Variants in PPP1R15B observed in about 807,000 individuals in gnomAD.
The protein encoded by PPP1R15B is protein phosphatase 1, regulatory (inhibitor) subunit 15B.
Under a neutral mutation model 53.9 loss-of-function variants are expected in PPP1R15B, and 31 were observed. The observed-to-expected ratio is 0.58, with a 90% CI of 0.43 to 0.78. The LOEUF (loss-of-function observed/expected upper bound fraction) is 0.78, where lower values mean the gene tolerates loss of function less well. PPP1R15B is among the 30% of genes least tolerant of loss of function. PPP1R15B has a pLI of 0.00. For synonymous variants in PPP1R15B, 345 were observed against 329.1 expected (o/e 1.05, Z -0.52); for missense variants, 928 against 849.6 (o/e 1.09, Z -1.15).
chr1:204,399,484 T>C (rs1300533217), downstream of PPP1R15B, among the ~76,000 whole-genome samples: 1 of 150,516 alleles, frequency 6.6e-6, no homozygotes, highest in Non-Finnish European at 1.5e-5. Context: ...CGCTGGAGCC[T>C]GGGAGGCGGA....
Position 204,409,663 on chromosome 1 carries a change from T to C in PPP1R15B, c.1749A>G (p.Lys583=). 1 of 1,614,114 alleles carries C rather than the reference T, an allele frequency of 6.2e-7. No homozygotes were observed. Among genetic ancestry groups the C allele is most frequent in the Admixed American group, 1.7e-5 (1 of 60,022 alleles). ...ATGGGGTCTTTGAGTCACGACAGCCTTTCTCATTTTCCCCTGATGTTTGAA... is the reference window on the plus strand; with the variant it reads ...ATGGGGTCTTTGAGTCACGACAGCCCTTCTCATTTTCCCCTGATGTTTGAA... ...APFQTSGENE[K]GCRDSKTPSE... The change falls in exon 1 of 2, where the codon AAA becomes AAG. Residue 583 remains lysine, a synonymous_variant. Transcript: ENST00000367188.
Position 204,410,133 on chromosome 1 carries a change from C to T in PPP1R15B, c.1279G>A (p.Asp427Asn). 1 of 1,614,038 alleles carries T rather than the reference C, an allele frequency of 6.2e-7. No homozygotes were observed. The highest frequency in any genetic ancestry group is 8.5e-7 in the Non-Finnish European group (1 of 1,180,032). Residue 427 changes from aspartate to asparagine, a missense_variant, in exon 1 of 2, where the codon GAT becomes AAT. Physicochemically the swap from Asp to Asn is conservative, Grantham distance 23. Transcript: ENST00000367188. ...ARPACSNKLI[D>N]YILGGASSDL... ...CTGGATGCACCTCCCAAAATATAAT[C>T]TATCAGTTTGTTACTACAAGCTGGT...
At chr1:204,402,697 C>T (rs1379026169), downstream of PPP1R15B, among the ~76,000 whole-genome samples, 2 of 149,470 alleles carry the variant, frequency 1.3e-5, no homozygotes, top group East Asian at 2.1e-4. Context: ...GCTGGAATTA[C>T]AGGCGTGAGC....
intron 1 of PPP1R15B, among the ~76,000 whole-genome samples, chr1:204,408,015 G>T (rs1375259334): frequency 1.3e-5 from 2 of 152,176 alleles, no homozygotes; most frequent in African/African-American, 2.4e-5. Flanking sequence ...CAAGACATGA[G>T]ACTGGCCTGA....
downstream of PPP1R15B, among the ~76,000 whole-genome samples, chr1:204,396,971 T>C (rs3125164): frequency 0.57 from 86,555 of 151,862 alleles, 28,366 homozygotes; most frequent in Non-Finnish European, 0.74. Context: ...GAGGAACACT[T>C]AAGCCTAGGA....
At position 204,403,714 on chromosome 1, in the gene PPP1R15B, T is replaced by G; in HGVS notation, c.*2378A>C. The stretch of plus-strand genomic sequence containing the variant: ...ACTTTAAATGTATAAAATGTTTAAT[T>G]AAAACCTCCAAAGATTTTCTCTTTA... On this transcript the variant is annotated 3_prime_UTR_variant, in exon 2 of 2. Coordinates refer to ENST00000367188, the MANE Select transcript of PPP1R15B (RefSeq NM_032833.5). 1 of 985,010 alleles carries G rather than the reference T, an allele frequency of 1.0e-6. No homozygotes were observed. The highest frequency in any genetic ancestry group is 1.2e-6 in the Non-Finnish European group (1 of 829,122). 61.0% of individuals were successfully genotyped at this position (985,010 alleles called of 1,614,324 possible).
At chr1:204,397,877 A>G (rs1479584496), downstream of PPP1R15B, among the ~76,000 whole-genome samples, 1 of 145,690 alleles carries the variant, frequency 6.9e-6, no homozygotes, top group East Asian at 2.0e-4. Flanking sequence ...TCAGGTCATC[A>G]CTAATAATGC....
chr1:204,411,381 G>C lies in PPP1R15B; in HGVS notation c.31C>G (p.Arg11Gly). ...CGGAAGCCCGCCCGAGGGCCAAGCCGTTTCCGCGATCCGCCTGTCCCCGGC... is the reference window on the plus strand; with the variant it reads ...CGGAAGCCCGCCCGAGGGCCAAGCCCTTTCCGCGATCCGCCTGTCCCCGGC... MEPGTGGSRKRLGPRAGFRFW... is the reference protein window; with the variant it reads MEPGTGGSRKGLGPRAGFRFW... Residue 11 changes from arginine to glycine, a missense_variant, in exon 1 of 2, where the codon CGG becomes GGG. Transcript: ENST00000367188. 6.2e-7 allele frequency: 1 copy of C among 1,613,110 alleles called. No individual in the cohort carries two copies. Among genetic ancestry groups the C allele is most frequent in the Non-Finnish European group, 8.5e-7 (1 of 1,179,972 alleles).
chr1:204,407,779 A>AT (rs1437184141), intron 1 of PPP1R15B, among the ~76,000 whole-genome samples: 3 of 152,190 alleles, frequency 2.0e-5, no homozygotes, highest in South Asian at 2.1e-4. Context: ...CATTATACCG[A>AT]TAAGAAAACA....
Position 204,404,648 on chromosome 1 carries a change from AAACTGAGGTAGT to A in PPP1R15B, c.*1432_*1443del, listed in dbSNP as rs1195878497. 1 of 985,706 alleles carries A rather than the reference AAACTGAGGTAGT, an allele frequency of 1.0e-6. No individual in the cohort carries two copies. The highest frequency in any genetic ancestry group is 1.1e-4 in the East Asian group (1 of 8,836). The allele number at this position is 985,706 out of a possible 1,614,324, so 61.1% of individuals were successfully genotyped here. A position where few individuals can be genotyped will look rare whatever the true frequency, so the allele number is the denominator to read the frequency against. On this transcript the variant is annotated 3_prime_UTR_variant, in exon 2 of 2. Coordinates refer to ENST00000367188, the MANE Select transcript of PPP1R15B (RefSeq NM_032833.5). ...ATAAAATAATGACCAGGTAGATTGT[AAACTGAGGTAGT>A]AACCCTGTAAGCACTTCTGATGAAA...
At chr1:204,401,000 C>A (rs573457486), downstream of PPP1R15B, among the ~76,000 whole-genome samples, 1 of 152,352 alleles carries the variant, frequency 6.6e-6, no homozygotes. Flanking sequence ...ATGGGTCAAG[C>A]AACCTACTTT....
At position 204,404,090 on chromosome 1, in the gene PPP1R15B, G is replaced by A. The variant is rs1199819828; in HGVS notation, c.*2002C>T. Reference sequence around the variant, plus strand: ...AAGAATGCCTGTATGTTGTCAAAAGGCTTTTTTCAAGGCAAATGACGCCTG... The same window carrying A: ...AAGAATGCCTGTATGTTGTCAAAAGACTTTTTTCAAGGCAAATGACGCCTG... On this transcript the variant is annotated 3_prime_UTR_variant, in exon 2 of 2. Transcript: ENST00000367188. 1 of 985,264 alleles carries A rather than the reference G, an allele frequency of 1.0e-6. No individual in the cohort carries two copies. The highest frequency in any genetic ancestry group is 1.2e-6 in the Non-Finnish European group (1 of 829,924). 61.0% of individuals were successfully genotyped at this position (985,264 alleles called of 1,614,324 possible). A position where few individuals can be genotyped will look rare whatever the true frequency, so the allele number is the denominator to read the frequency against.
chr1:204,410,593 T>C lies in PPP1R15B; in HGVS notation c.819A>G (p.Glu273=), dbSNP rs775549963. 5.0e-6 allele frequency: 8 copies of C among 1,613,770 alleles called. No individual in the cohort carries two copies. The highest frequency in any genetic ancestry group is 6.8e-6 in the Non-Finnish European group (8 of 1,179,894). ...DHCHPQPLSA[E]LIPASWQGCP... Reference sequence around the variant, plus strand: ...ATCCCTGCCACGAGGCCGGAATGAGTTCTGCACTCAGCGGCTGGGGATGAC... The same window carrying C: ...ATCCCTGCCACGAGGCCGGAATGAGCTCTGCACTCAGCGGCTGGGGATGAC... Residue 273 remains glutamate, a synonymous_variant, in exon 1 of 2, where the codon GAA becomes GAG. Transcript: ENST00000367188.
At position 204,405,260 on chromosome 1, in the gene PPP1R15B, T is replaced by C. The variant is rs1442606230; in HGVS notation, c.*832A>G. 1.0e-6 allele frequency: 1 copy of C among 978,974 alleles called. No homozygotes were observed. The highest frequency in any genetic ancestry group is 1.2e-6 in the Non-Finnish European group (1 of 823,780). 60.6% of individuals were successfully genotyped at this position (978,974 alleles called of 1,614,324 possible). ...TAAATGATTATGATGTAATTATTAC[T>C]TTCCAGAGTGTTTTGCAATAACTTC... On this transcript the variant is annotated 3_prime_UTR_variant, in exon 2 of 2. Transcript: ENST00000367188.
At position 204,409,643 on chromosome 1, in the gene PPP1R15B, G is replaced by A. The variant is rs776642576; in HGVS notation, c.1769C>T (p.Thr590Ile). 124 of 1,613,992 alleles carry A rather than the reference G, an allele frequency of 7.7e-5. No individual in the cohort carries two copies. The highest frequency in any genetic ancestry group is 1.0e-4 in the Non-Finnish European group (121 of 1,180,024). The change falls in exon 1 of 2, where the codon ACC becomes ATC. Residue 590 changes from threonine (T) to isoleucine (I), a missense_variant. Coordinates refer to ENST00000367188, the MANE Select transcript of PPP1R15B (RefSeq NM_032833.5). ...AATGGCCACAATGGACTCAGATGGG[G>A]TCTTTGAGTCACGACAGCCTTTCTC... ...ENEKGCRDSK[T>I]PSESIVAISE...
chr1:204,395,919 CAT>C (rs1674096338), downstream of PPP1R15B, among the ~76,000 whole-genome samples: 1 of 151,968 alleles, frequency 6.6e-6, no homozygotes, highest in Non-Finnish European at 1.5e-5. Context: ...TATATGTAGT[CAT>C]GTTTATATAA....
downstream of PPP1R15B, among the ~76,000 whole-genome samples, chr1:204,402,192 AGTTT>A (rs1204070744): frequency 6.6e-6 from 1 of 152,198 alleles, no homozygotes; most frequent in Admixed American, 6.5e-5. Flanking sequence ...ACTAAATGTT[AGTTT>A]CTTTCCTTCC....
chr1:204,410,908 G>A lies in PPP1R15B; in HGVS notation c.504C>T (p.Asp168=), dbSNP rs367955326. The A allele has an allele frequency of 1.2e-5, 20 of 1,613,932 alleles. No homozygotes were observed. The African/African-American group carries it at 2.3e-4, about 18-fold the overall frequency. Residue 168 remains aspartate (D), a synonymous_variant, in exon 1 of 2, where the codon GAC becomes GAT. Coordinates refer to ENST00000367188, the MANE Select transcript of PPP1R15B (RefSeq NM_032833.5). The part of the protein sequence containing the change: ...LELKAKGSAL[D]PAAQAFLLEQ... ...CTAAGAGAAAAGCCTGTGCTGCAGG[G>A]TCCAAAGCACTTCCCTTGGCCTTAA...
At chr1:204,396,316 T>C (rs1009151371), downstream of PPP1R15B, among the ~76,000 whole-genome samples, 4 of 141,134 alleles carry the variant, frequency 2.8e-5, no homozygotes, top group East Asian at 4.2e-4. Context: ...AAGACTAGCC[T>C]GGGCAACATG....
Sources: gnomAD v4.1 joint callset for allele counts (sites outside exome capture counted in the v4.1 genomes callset) on GRCh38, gnomAD v4.1.1 for gene constraint, MANE v1.5 for transcripts, NCBI Gene and HGNC (gene_info 2026-07-23, HGNC 2026-07-21) for gene names.